The following ITGA9 variants were observed in gnomAD, a reference collection of about 807,000 sequenced individuals.
ITGA9 encodes the protein integrin alpha-9.
In ITGA9, 56 loss-of-function variants were observed where a neutral mutation model predicts 127.8. That is an observed-to-expected ratio of 0.44 (90% CI 0.35 to 0.55). ITGA9 has a LOEUF of 0.55. Among genes scored for constraint, ITGA9 ranks in the 20% least tolerant of loss-of-function variants. The pLI, the probability that ITGA9 is intolerant of heterozygous loss-of-function variation, is 0.00. For synonymous variants in ITGA9, 508 were observed against 514.5 expected, an observed-to-expected ratio of 0.99 and a Z score of 0.17; for missense variants, 1,196 against 1,347.1, an observed-to-expected ratio of 0.89 and a Z score of 1.76.
At position 37,732,268 on chromosome 3, in the gene ITGA9, T is replaced by G. The variant is rs764621778; in HGVS notation, c.2068-444T>G. 3.0e-4 allele frequency among the ~76,000 whole-genome samples: 45 copies of G among 152,074 alleles called. 1 individual carries two copies. The highest frequency in any genetic ancestry group is 5.4e-4 in the Non-Finnish European group (37 of 68,006). On this transcript the variant is annotated intron_variant, in intron 18 of 27. Coordinates refer to ENST00000264741, the MANE Select transcript of ITGA9 (RefSeq NM_002207.3). Reference sequence around the variant, plus strand: ...AGCCCAGCCCTCACTGCTTCAGGCTTTAGGAAGAAACCCTCTCTTTTCTTG... The same window carrying G: ...AGCCCAGCCCTCACTGCTTCAGGCTGTAGGAAGAAACCCTCTCTTTTCTTG...
At chr3:37,750,231 T>C (rs2125537738) in intron 22 of ITGA9, among the ~76,000 whole-genome samples, 1 of 152,350 alleles carries the variant, frequency 6.6e-6, no homozygotes, top group East Asian at 1.9e-4. Context: ...TGAAAGAGAA[T>C]ATGGTAGTTT....
chr3:37,503,115 T>C (rs2125570106), intron 5 of ITGA9, 63 bp from the exon 6 acceptor site: 17 of 1,594,358 alleles, frequency 1.1e-5, no homozygotes, highest in Middle Eastern at 2.0e-4. Context: ...GTGGTTCTCA[T>C]TGCATTCCCC....
At chr3:37,596,816 A>T (rs1699875258) in intron 15 of ITGA9, among the ~76,000 whole-genome samples, 1 of 152,272 alleles carries the variant, frequency 6.6e-6, no homozygotes, top group Admixed American at 6.5e-5. Context: ...CCTGAAAAAA[A>T]GTCAACCTGG....
At chr3:37,654,515 GT>G in intron 17 of ITGA9, among the ~76,000 whole-genome samples, 1 of 152,232 alleles carries the variant, frequency 6.6e-6, no homozygotes, top group East Asian at 1.9e-4. Context: ...CTGAAAGACT[GT>G]TTTAGCCTTG....
chr3:37,714,804 C>T (rs182478358), intron 18 of ITGA9, among the ~76,000 whole-genome samples: 1 of 152,268 alleles, frequency 6.6e-6, no homozygotes, highest in Non-Finnish European at 1.5e-5. Flanking sequence ...AGTTGGAGAG[C>T]CACTGTGCTA....
intron 1 of ITGA9, among the ~76,000 whole-genome samples, chr3:37,470,768 T>G (rs1366747350): frequency 6.6e-6 from 1 of 152,140 alleles, no homozygotes; most frequent in African/African-American, 2.4e-5. Flanking sequence ...CCTCTCAAAA[T>G]GCTAGGATTA....
intron 22 of ITGA9, among the ~76,000 whole-genome samples, chr3:37,750,228 G>C (rs1696565451): frequency 6.6e-6 from 1 of 152,246 alleles, no homozygotes; most frequent in Admixed American, 6.5e-5. Context: ...TGCTGAAAGA[G>C]AATATGGTAG....
chr3:37,484,527 A>G (rs1029809529), intron 4 of ITGA9, among the ~76,000 whole-genome samples: 1 of 152,174 alleles, frequency 6.6e-6, no homozygotes, highest in Non-Finnish European at 1.5e-5. Flanking sequence ...TAGGGGTCAC[A>G]TTATGGTTAA....
At chr3:37,475,705 T>G (rs922219710) in intron 3 of ITGA9, among the ~76,000 whole-genome samples, 1 of 152,250 alleles carries the variant, frequency 6.6e-6, no homozygotes, top group African/African-American at 2.4e-5. Context: ...CCTTGTGCCT[T>G]TTGTTTGTTT....
At chr3:37,651,526 A>G (rs1700429561) in intron 16 of ITGA9, among the ~76,000 whole-genome samples, 1 of 152,238 alleles carries the variant, frequency 6.6e-6, no homozygotes, top group Middle Eastern at 3.2e-3. Context: ...AAGGGCAGGC[A>G]CAGAGGCAAG....
intron 22 of ITGA9, chr3:37,748,133 G>T: frequency 2.0e-6 from 1 of 490,076 alleles, no homozygotes; most frequent in South Asian, 1.5e-5. Flanking sequence ...AAGGGAAAGA[G>T]GAAAGGCACC....
chr3:37,635,071 A>G (rs1226727897), intron 16 of ITGA9, among the ~76,000 whole-genome samples: 3 of 152,248 alleles, frequency 2.0e-5, no homozygotes, highest in African/African-American at 7.2e-5. Context: ...ACAGCATACA[A>G]AAACTTAAAA....
chr3:37,660,296 A>AT (rs746204881), intron 17 of ITGA9, among the ~76,000 whole-genome samples: 3 of 152,204 alleles, frequency 2.0e-5, no homozygotes, highest in Non-Finnish European at 2.9e-5. Context: ...AAACAAAAAT[A>AT]TATGGATTTG....
intron 17 of ITGA9, among the ~76,000 whole-genome samples, chr3:37,670,390 A>G (rs1575187014): frequency 6.6e-6 from 1 of 151,824 alleles, no homozygotes; most frequent in Admixed American, 6.6e-5. Context: ...AGTCCCTACC[A>G]CTCACCTTCC....
chr3:37,544,728 A>G (rs1699308983), intron 15 of ITGA9, among the ~76,000 whole-genome samples: 1 of 152,132 alleles, frequency 6.6e-6, no homozygotes, highest in Non-Finnish European at 1.5e-5. Context: ...TGGGACCTAG[A>G]GTCATTTGGA....
At chr3:37,654,851 A>C (rs1700462529) in intron 17 of ITGA9, among the ~76,000 whole-genome samples, 10 of 145,322 alleles carry the variant, frequency 6.9e-5, no homozygotes, top group African/African-American at 2.3e-4. Context: ...CTAACCCCCC[A>C]CCCCTGACAG....
chr3:37,651,945 C>T (rs114501834), intron 16 of ITGA9, among the ~76,000 whole-genome samples: 1,989 of 152,126 alleles, frequency 0.013, 39 homozygotes, highest in African/African-American at 0.044. Context: ...CTTCCGTTCT[C>T]ACCTCTTTCA....
At chr3:37,672,049 A>G (rs1700641301) in intron 17 of ITGA9, among the ~76,000 whole-genome samples, 2 of 152,100 alleles carry the variant, frequency 1.3e-5, no homozygotes, top group South Asian at 4.1e-4. Context: ...AAGTATCCAG[A>G]TAGATGCTAG....
At chr3:37,535,914 G>A (rs548607745) in intron 14 of ITGA9, among the ~76,000 whole-genome samples, 1 of 152,208 alleles carries the variant, frequency 6.6e-6, no homozygotes, top group Non-Finnish European at 1.5e-5. Context: ...GCCAGAAAAT[G>A]TGCTGGCAGT....
Sources: allele counts gnomAD v4.1 joint callset (sites outside exome capture counted in the v4.1 genomes callset), GRCh38; gene constraint gnomAD v4.1.1; transcripts MANE v1.5; gene names NCBI Gene and HGNC (gene_info 2026-07-23, HGNC 2026-07-21).